Variants in IGF2BP2 observed in about 807,000 individuals in gnomAD.
IGF2BP2 encodes the protein insulin-like growth factor 2 mRNA-binding protein 2.
In IGF2BP2, 17 loss-of-function variants were observed where a neutral mutation model predicts 75.8. That is an observed-to-expected ratio of 0.22 (90% confidence interval 0.15 to 0.34). The LOEUF (loss-of-function observed/expected upper bound fraction) is 0.34. IGF2BP2 is among the 10% of genes least tolerant of loss of function. The probability of loss-of-function intolerance (pLI) is 1.00; values close to 1 mark genes in which losing one functional copy is unlikely to be tolerated. For missense variants in IGF2BP2, 516 were observed against 772.4 expected (o/e 0.67, Z 3.93); for synonymous variants, 288 against 295.6 (o/e 0.97, Z 0.26).
intron 10 of IGF2BP2, among the ~76,000 whole-genome samples, chr3:185,662,180 G>A (rs1447688713): frequency 2.0e-5 from 3 of 152,054 alleles, no homozygotes; most frequent in Non-Finnish European, 1.5e-5. Flanking sequence ...GAGTGCTTAT[G>A]TATAATGAAA....
chr3:185,740,380 C>T (rs1362147346), intron 2 of IGF2BP2, among the ~76,000 whole-genome samples: 1 of 152,222 alleles, frequency 6.6e-6, no homozygotes, highest in South Asian at 2.1e-4. Flanking sequence ...CAATAACACA[C>T]AGTTTCCCAT....
rs575908168 is a variant in IGF2BP2, at chr3:185,696,222, G to C, written c.340+390C>G. On this transcript the variant is annotated intron_variant, in intron 4 of 15. Coordinates refer to ENST00000382199, the MANE Select transcript of IGF2BP2 (RefSeq NM_006548.6). Reference sequence around the variant, plus strand: ...ATTGGTATAGGAGTCCTATTCATTGGGTAACACTCAGTCCAAGACATTAGG... The same window carrying C: ...ATTGGTATAGGAGTCCTATTCATTGCGTAACACTCAGTCCAAGACATTAGG... 2.6e-5 allele frequency among the ~76,000 whole-genome samples: 4 copies of C among 152,218 alleles called. No individual in the cohort carries two copies. In the South Asian group the frequency reaches 8.3e-4, roughly 32 times the overall value.
intron 2 of IGF2BP2, among the ~76,000 whole-genome samples, chr3:185,702,679 A>C (rs1323124179): frequency 2.0e-5 from 3 of 151,890 alleles, no homozygotes; most frequent in Non-Finnish European, 4.4e-5. Context: ...CCTGGCTGCC[A>C]GTCACTTTTT....
At chr3:185,762,810 T>C (rs1732559387) in intron 2 of IGF2BP2, among the ~76,000 whole-genome samples, 1 of 152,192 alleles carries the variant, frequency 6.6e-6, no homozygotes, top group African/African-American at 2.4e-5. Flanking sequence ...GGATGAATTT[T>C]ATCCAAGTGC....
At chr3:185,783,948 ACAAC>A (rs1010661508) in intron 2 of IGF2BP2, among the ~76,000 whole-genome samples, 1 of 152,204 alleles carries the variant, frequency 6.6e-6, no homozygotes, top group Non-Finnish European at 1.5e-5. Context: ...AATTAAATAA[ACAAC>A]AGCCTGGCGA....
intron 2 of IGF2BP2, among the ~76,000 whole-genome samples, chr3:185,812,121 T>C (rs577569330): frequency 1.3e-5 from 2 of 152,296 alleles, no homozygotes; most frequent in African/African-American, 4.8e-5. Context: ...CATTTGTTCG[T>C]TCTAACCAAC....
chr3:185,806,803 A>G (rs1043278990), intron 2 of IGF2BP2, among the ~76,000 whole-genome samples: 2 of 152,136 alleles, frequency 1.3e-5, no homozygotes, highest in African/African-American at 4.8e-5. Flanking sequence ...TATTTGCAAT[A>G]TTTTTCTAAT....
At chr3:185,694,537 T>G (rs1038024131) in intron 4 of IGF2BP2, among the ~76,000 whole-genome samples, 4 of 152,228 alleles carry the variant, frequency 2.6e-5, no homozygotes, top group African/African-American at 9.6e-5. Flanking sequence ...TGAAAATATT[T>G]TCCTGCTGAA....
At position 185,713,662 on chromosome 3, in the gene IGF2BP2, T is replaced by C. The variant is rs139315388; in HGVS notation, c.240-15315A>G. Among the ~76,000 whole-genome samples the C allele has an allele frequency of 5.3e-5, 8 of 152,320 alleles. No individual in the cohort carries two copies. In the East Asian group the frequency reaches 1.5e-3, roughly 29 times the overall value. ...TATATCTACCACTCAACTGGTATAT[T>C]TGAAATAAATTTATATTTTAGAAGT... On this transcript the variant is annotated intron_variant, in intron 2 of 15. Transcript: ENST00000382199.
intron 9 of IGF2BP2, among the ~76,000 whole-genome samples, chr3:185,673,496 T>TCTTG (rs1378907055): frequency 6.6e-6 from 1 of 152,198 alleles, no homozygotes; most frequent in Non-Finnish European, 1.5e-5. Flanking sequence ...TTTGTGATCA[T>TCTTG]CTTGCTTGCT....
chr3:185,679,420 T>A (rs762875561), intron 7 of IGF2BP2, among the ~76,000 whole-genome samples: 1 of 151,438 alleles, frequency 6.6e-6, no homozygotes, highest in South Asian at 2.1e-4. Flanking sequence ...AACATCTTTA[T>A]ATGTTTTTAT....
intron 6 of IGF2BP2, among the ~76,000 whole-genome samples, chr3:185,687,652 A>G (rs931670651): frequency 1.3e-5 from 2 of 152,220 alleles, no homozygotes; most frequent in Non-Finnish European, 2.9e-5. Flanking sequence ...TTGAGTGTGG[A>G]TAGAAAACAG....
intron 2 of IGF2BP2, among the ~76,000 whole-genome samples, chr3:185,715,698 C>T (rs1003849645): frequency 1.3e-5 from 2 of 151,904 alleles, no homozygotes; most frequent in Non-Finnish European, 2.9e-5. Flanking sequence ...GGCTGGAGTG[C>T]AATGGCATGG....
chr3:185,821,108 C>A, intron 2 of IGF2BP2: 1 of 1,526,202 alleles, frequency 6.6e-7, no homozygotes, highest in Non-Finnish European at 8.7e-7. Flanking sequence ...CAATACCGGT[C>A]ATTAGCTATC....
intron 7 of IGF2BP2, among the ~76,000 whole-genome samples, chr3:185,683,270 G>A (rs961118811): frequency 6.6e-6 from 1 of 152,188 alleles, no homozygotes; most frequent in South Asian, 2.1e-4. Context: ...GATTACCAGA[G>A]GCTGACGGGA....
intron 4 of IGF2BP2, among the ~76,000 whole-genome samples, chr3:185,694,561 A>G (rs1324107103): frequency 2.6e-5 from 4 of 152,224 alleles, no homozygotes; most frequent in African/African-American, 9.6e-5. Flanking sequence ...GGAATCACTC[A>G]TGTAACAGGA....
rs141464436 is a variant in IGF2BP2, at chr3:185,816,570, G to A, written c.239+6583C>T. Among the ~76,000 whole-genome samples, 1,126 of 152,256 alleles carry A rather than the reference G, an allele frequency of 7.4e-3. 10 individuals carry two copies. Among genetic ancestry groups the A allele is most frequent in the Middle Eastern group, 0.017 (5 of 294 alleles). On this transcript the variant is annotated intron_variant, in intron 2 of 15. Transcript: ENST00000382199. ...CGTTAAATGGGGAGGAAGTACAGTGGAGCGAGACTCAGGGACCTCAAAAGA... is the reference window on the plus strand; with the variant it reads ...CGTTAAATGGGGAGGAAGTACAGTGAAGCGAGACTCAGGGACCTCAAAAGA...
intron 2 of IGF2BP2, among the ~76,000 whole-genome samples, chr3:185,807,318 G>C (rs746472233): frequency 6.6e-6 from 1 of 152,152 alleles, no homozygotes; most frequent in Non-Finnish European, 1.5e-5. Flanking sequence ...CCCACCTAAA[G>C]CACTGAGAAC....
chr3:185,784,594 A>G (rs1406764346), intron 2 of IGF2BP2, among the ~76,000 whole-genome samples: 1 of 152,246 alleles, frequency 6.6e-6, no homozygotes, highest in Non-Finnish European at 1.5e-5. Flanking sequence ...CACTTTCCCC[A>G]TGCAATGAAT....
Sources: allele counts gnomAD v4.1 joint callset (sites outside exome capture counted in the v4.1 genomes callset), GRCh38; gene constraint gnomAD v4.1.1; transcripts MANE v1.5; gene names NCBI Gene and HGNC (gene_info 2026-07-23, HGNC 2026-07-21).